The following NRXN3 variants were observed in gnomAD, a reference collection of about 807,000 sequenced individuals.
NRXN3 encodes the protein neurexin 3.
In NRXN3, 32 loss-of-function variants were observed where a neutral mutation model predicts 137.6. The ratio of observed to expected loss-of-function variants is 0.23; its 90% CI spans 0.18 to 0.31. The LOEUF is 0.31. Among genes scored for constraint, NRXN3 ranks in the 10% least tolerant of loss-of-function variants. The pLI is 1.00. For synonymous variants in NRXN3, 798 were observed against 784.5 expected (o/e 1.02, Z -0.29); for missense variants, 1,574 against 2,062.5 (o/e 0.76, Z 4.59).
intron 15 of NRXN3, among the ~76,000 whole-genome samples, chr14:79,078,823 G>T (rs2046399899): frequency 6.6e-6 from 1 of 151,986 alleles, no homozygotes. Flanking sequence ...TCCTCTCTTT[G>T]GGCCTCACTT....
intron 4 of NRXN3, among the ~76,000 whole-genome samples, chr14:78,348,917 G>C (rs1194658094): frequency 6.6e-6 from 1 of 152,296 alleles, no homozygotes; most frequent in East Asian, 1.9e-4. Flanking sequence ...TGGGCACCGA[G>C]GTCATGTTAC....
At chr14:79,221,536 C>T (rs1343603234) in intron 15 of NRXN3, among the ~76,000 whole-genome samples, 1 of 152,000 alleles carries the variant, frequency 6.6e-6, no homozygotes, top group East Asian at 1.9e-4. Flanking sequence ...GTTTGTTGGC[C>T]ACATAAATGT....
At chr14:78,348,701 C>G (rs534051978) in intron 4 of NRXN3, among the ~76,000 whole-genome samples, 2 of 152,274 alleles carry the variant, frequency 1.3e-5, no homozygotes, top group African/African-American at 4.8e-5. Flanking sequence ...TGCAGAATCT[C>G]AGGCCAGCAC....
chr14:78,601,372 C>T (rs1000062459), intron 4 of NRXN3, among the ~76,000 whole-genome samples: 1 of 152,076 alleles, frequency 6.6e-6, no homozygotes, highest in Non-Finnish European at 1.5e-5. Context: ...TTCTTTATGA[C>T]CATACATTTC....
chr14:79,394,151 A>G (rs1453742620), intron 15 of NRXN3, among the ~76,000 whole-genome samples: 1 of 152,224 alleles, frequency 6.6e-6, no homozygotes, highest in Non-Finnish European at 1.5e-5. Context: ...CTTTTTAAAA[A>G]TTGTGTTGAA....
intron 4 of NRXN3, among the ~76,000 whole-genome samples, chr14:78,556,197 TC>T (rs2096735307): frequency 6.6e-6 from 1 of 152,148 alleles, no homozygotes; most frequent in African/African-American, 2.4e-5. Context: ...CTTCCCAGCT[TC>T]CCCCACCCCT....
chr14:79,217,431 C>T (rs1433923004), intron 15 of NRXN3, among the ~76,000 whole-genome samples: 1 of 152,068 alleles, frequency 6.6e-6, no homozygotes, highest in African/African-American at 2.4e-5. Context: ...TCCCCATGAC[C>T]CGGACACCTC....
intron 10 of NRXN3, among the ~76,000 whole-genome samples, chr14:78,902,183 A>G (rs889880653): frequency 1.3e-5 from 2 of 152,058 alleles, no homozygotes; most frequent in Non-Finnish European, 2.9e-5. Context: ...AGGCATCTCA[A>G]TGAGGCCTTG....
intron 1 of NRXN3, among the ~76,000 whole-genome samples, chr14:78,178,654 T>C (rs2059493608): frequency 6.6e-6 from 1 of 152,158 alleles, no homozygotes; most frequent in Non-Finnish European, 1.5e-5. Context: ...AGGACAATTA[T>C]CCAGCACCTG....
intron 4 of NRXN3, among the ~76,000 whole-genome samples, chr14:78,549,310 T>C (rs2096664657): frequency 6.6e-6 from 1 of 152,224 alleles, no homozygotes; most frequent in Non-Finnish European, 1.5e-5. Context: ...CTCACCTTTA[T>C]GCCTTTGCTG....
At chr14:79,457,222 T>C (rs1197750928) in intron 15 of NRXN3, among the ~76,000 whole-genome samples, 1 of 152,182 alleles carries the variant, frequency 6.6e-6, no homozygotes, top group African/African-American at 2.4e-5. Flanking sequence ...AGAGGCTTAA[T>C]GTTTCAAGAT....
intron 15 of NRXN3, among the ~76,000 whole-genome samples, chr14:79,220,773 A>G (rs575240316): frequency 2.9e-4 from 44 of 152,000 alleles, no homozygotes; most frequent in African/African-American, 1.0e-3. Flanking sequence ...TTTTTATTAT[A>G]CTTTAAGTTC....
chr14:79,036,103 C>T (rs1446173438), intron 15 of NRXN3, among the ~76,000 whole-genome samples: 1 of 151,944 alleles, frequency 6.6e-6, no homozygotes, highest in Non-Finnish European at 1.5e-5. Flanking sequence ...AGGACAGTTG[C>T]ATTTTACTCC....
At chr14:79,265,938 A>T (rs1046444420) in intron 15 of NRXN3, among the ~76,000 whole-genome samples, 2 of 152,172 alleles carry the variant, frequency 1.3e-5, no homozygotes, top group African/African-American at 4.8e-5. Flanking sequence ...GCTTGAAATT[A>T]ACAGGTGGGT....
rs1567778270 is a variant in NRXN3, at chr14:78,943,623, T to TATATATATAA, written c.2276-13610_2276-13609insAATATATATA. On this transcript the variant is annotated intron_variant, in intron 10 of 20. Coordinates refer to ENST00000335750, the MANE Select transcript of NRXN3 (RefSeq NM_001330195.2). The stretch of plus-strand genomic sequence containing the variant: ...CAAGATCACTGTTAAAAAAAAAAAA[T>TATATATATAA]ATATATATATATATATATATATATA... Among the ~76,000 whole-genome samples the TATATATATAA allele has an allele frequency of 1.3e-3, 19 of 14,158 alleles. 2 individuals are homozygous for TATATATATAA. The highest frequency in any genetic ancestry group is 4.7e-3 in the African/African-American group (18 of 3,850). The allele number at this position is 14,158 out of a possible 152,430, so 9.3% of individuals were successfully genotyped here.
intron 19 of NRXN3, among the ~76,000 whole-genome samples, chr14:79,753,738 A>G (rs549891197): frequency 1.3e-5 from 2 of 150,844 alleles, no homozygotes; most frequent in African/African-American, 4.9e-5. Flanking sequence ...ATAATAATAA[A>G]AAGAAATTTC....
intron 10 of NRXN3, among the ~76,000 whole-genome samples, chr14:78,855,315 G>C (rs2099054114): frequency 6.6e-6 from 1 of 152,118 alleles, no homozygotes; most frequent in Non-Finnish European, 1.5e-5. Context: ...TATTACTTTG[G>C]TAAAGTTCAG....
intron 10 of NRXN3, among the ~76,000 whole-genome samples, chr14:78,861,300 GA>G (rs2099071742): frequency 6.6e-6 from 1 of 151,998 alleles, no homozygotes; most frequent in Non-Finnish European, 1.5e-5. Flanking sequence ...TTCATTTTAG[GA>G]ATATTTGTAT....
intron 4 of NRXN3, among the ~76,000 whole-genome samples, chr14:78,509,612 C>T (rs1284074646): frequency 6.6e-6 from 1 of 152,102 alleles, no homozygotes; most frequent in African/African-American, 2.4e-5. Context: ...CAGACTTGGC[C>T]AGAGGAGCAC....
Sources: allele counts gnomAD v4.1 joint callset (sites outside exome capture counted in the v4.1 genomes callset), GRCh38; gene constraint gnomAD v4.1.1; transcripts MANE v1.5; gene names NCBI Gene and HGNC (gene_info 2026-07-23, HGNC 2026-07-21).